The following OR2L13 variants were observed in gnomAD, a reference collection of about 807,000 sequenced individuals.
OR2L13 encodes the protein olfactory receptor 2L13.
OR2L13 carries 14 observed loss-of-function variants against 15.3 expected under a neutral mutation model. The ratio of observed to expected loss-of-function variants is 0.91; its 90% CI spans 0.60 to 1.43. The LOEUF (loss-of-function observed/expected upper bound fraction) is 1.43, where lower values mean the gene tolerates loss of function less well. Among genes scored for constraint, OR2L13 ranks in the 40% most tolerant of loss-of-function variants. OR2L13 has a pLI of 0.00. For missense variants in OR2L13, 367 were observed against 387.9 expected (o/e 0.95, Z 0.45); for synonymous variants, 152 against 142.9 (o/e 1.06, Z -0.45).
chr1:247,999,308 T>C, the OR2L13 span, among the ~76,000 whole-genome samples: 46 of 152,312 alleles, frequency 3.0e-4, no homozygotes, highest in Middle Eastern at 3.4e-3. Context: ...TATACTTTCA[T>C]AATCAGTTTC....
chr1:248,052,736 G>GA, the OR2L13 span, among the ~76,000 whole-genome samples: 16 of 148,892 alleles, frequency 1.1e-4, no homozygotes, highest in African/African-American at 3.4e-4. Flanking sequence ...ATCTCAAAAA[G>GA]AAAAAAAAAT....
the OR2L13 span, chr1:248,061,639 G>A: frequency 1.3e-6 from 2 of 1,596,352 alleles, no homozygotes; most frequent in Non-Finnish European, 1.7e-6. Flanking sequence ...TCTACCTAAG[G>A]TCTCAGGACT....
At chr1:248,029,534 T>C in the OR2L13 span, among the ~76,000 whole-genome samples, 10 of 152,184 alleles carry the variant, frequency 6.6e-5, no homozygotes, top group Non-Finnish European at 1.2e-4. Context: ...GAAAAATCAC[T>C]GTATAATTTA....
chr1:248,020,270 A>G, the OR2L13 span, among the ~76,000 whole-genome samples: 1 of 152,216 alleles, frequency 6.6e-6, no homozygotes, highest in African/African-American at 2.4e-5. Context: ...CAAATTGGTA[A>G]TGAGGAAGTA....
At chr1:248,028,285 G>T in the OR2L13 span, among the ~76,000 whole-genome samples, 1 of 151,450 alleles carries the variant, frequency 6.6e-6, no homozygotes, top group Non-Finnish European at 1.5e-5. Context: ...TTGGTGTTTT[G>T]GTCTGCTACC....
At chr1:248,070,273 G>A in the OR2L13 span, among the ~76,000 whole-genome samples, 8 of 152,072 alleles carry the variant, frequency 5.3e-5, no homozygotes, top group East Asian at 5.8e-4. Context: ...ATAACAAACT[G>A]TCTCTCAGAC....
chr1:248,008,532 C>A, the OR2L13 span, among the ~76,000 whole-genome samples: 6 of 151,850 alleles, frequency 4.0e-5, no homozygotes, highest in African/African-American at 1.2e-4. Flanking sequence ...ACAGAAGTAA[C>A]AATTAACTTC....
chr1:248,057,540 A>G, the OR2L13 span, among the ~76,000 whole-genome samples: 2 of 152,166 alleles, frequency 1.3e-5, no homozygotes, highest in East Asian at 3.9e-4. Context: ...TTTGCACATA[A>G]GATGTGTCTC....
the OR2L13 span, among the ~76,000 whole-genome samples, chr1:247,947,909 G>T: frequency 6.6e-6 from 1 of 152,310 alleles, no homozygotes; most frequent in South Asian, 2.1e-4. Flanking sequence ...TGCAGTTTTA[G>T]AAGTAAATCT....
chr1:248,099,504 C>T, exon 3 of OR2L13: 1 of 1,613,914 alleles, frequency 6.2e-7, no homozygotes, highest in Non-Finnish European at 8.5e-7. Flanking sequence ...GTAACTCGGC[C>T]ATGATTCACC....
At chr1:248,083,676 A>T in the OR2L13 span, 39 of 1,584,782 alleles carry the variant, frequency 2.5e-5, no homozygotes, top group Admixed American at 4.3e-4. Flanking sequence ...TTTCAGGTTT[A>T]CACATGTCCC....
At chr1:248,010,578 C>G in the OR2L13 span, among the ~76,000 whole-genome samples, 119 of 151,774 alleles carry the variant, frequency 7.8e-4, 3 homozygotes, top group East Asian at 0.016. Flanking sequence ...TTGTAGGTCT[C>G]TAAGAACTTG....
the OR2L13 span, among the ~76,000 whole-genome samples, chr1:247,963,561 G>A: frequency 3.9e-5 from 6 of 152,100 alleles, no homozygotes; most frequent in Non-Finnish European, 7.4e-5. Context: ...ACATGCTTGG[G>A]TTGAAACTCC....
chr1:248,038,812 C>G, the OR2L13 span: 1 of 1,614,168 alleles, frequency 6.2e-7, no homozygotes, highest in Non-Finnish European at 8.5e-7. Flanking sequence ...GATGTTCCAG[C>G]TATGTTGACG....
the OR2L13 span, among the ~76,000 whole-genome samples, chr1:247,954,899 T>A: frequency 6.6e-6 from 1 of 152,088 alleles, no homozygotes; most frequent in African/African-American, 2.4e-5. Flanking sequence ...TTTCTGACAG[T>A]ATGTTGCACT....
the OR2L13 span, among the ~76,000 whole-genome samples, chr1:247,971,245 T>TTCTTC: frequency 1.2e-4 from 18 of 152,284 alleles, no homozygotes; most frequent in African/African-American, 4.1e-4. Flanking sequence ...ATCTTTTCTT[T>TTCTTC]TCTTCAAATA....
At chr1:248,007,882 T>A in the OR2L13 span, among the ~76,000 whole-genome samples, 1 of 152,206 alleles carries the variant, frequency 6.6e-6, no homozygotes, top group Non-Finnish European at 1.5e-5. Flanking sequence ...GAAGGATGAG[T>A]ATATTTCTCG....
At chr1:247,987,471 C>A in the OR2L13 span, among the ~76,000 whole-genome samples, 1 of 152,024 alleles carries the variant, frequency 6.6e-6, no homozygotes, top group Admixed American at 6.6e-5. Flanking sequence ...AATTGTCATT[C>A]TCATTATTAT....
At chr1:248,054,874 A>G in the OR2L13 span, among the ~76,000 whole-genome samples, 1 of 152,152 alleles carries the variant, frequency 6.6e-6, no homozygotes, top group Non-Finnish European at 1.5e-5. Flanking sequence ...ATAGAATCAT[A>G]TCATCTGAAA....
Sources: gnomAD v4.1 joint callset for allele counts (sites outside exome capture counted in the v4.1 genomes callset) on GRCh38, gnomAD v4.1.1 for gene constraint, MANE v1.5 for transcripts, NCBI Gene and HGNC (gene_info 2026-07-23, HGNC 2026-07-21) for gene names.